TNS3: variants seen among roughly 807,000 people sequenced by gnomAD.
The protein encoded by TNS3 is tensin-3.
In TNS3, 45 loss-of-function variants were observed where a neutral mutation model predicts 140.9. The observed-to-expected ratio is 0.32, with a 90% confidence interval of 0.25 to 0.41. The LOEUF (loss-of-function observed/expected upper bound fraction) is 0.41. Among genes scored for constraint, TNS3 ranks in the 10% least tolerant of loss-of-function variants. The pLI, the probability that TNS3 is intolerant of heterozygous loss-of-function variation, is 1.00. For missense variants in TNS3, 1,716 were observed against 1,906.7 expected (o/e 0.90, Z 1.86); for synonymous variants, 815 against 788.4 (o/e 1.03, Z -0.56).
intron 13 of TNS3, among the ~76,000 whole-genome samples, chr7:47,411,420 C>T (rs917360568): frequency 6.6e-6 from 1 of 152,118 alleles, no homozygotes; most frequent in Admixed American, 6.5e-5. Flanking sequence ...ACCTAGATCG[C>T]TCGCATACAC....
At chr7:47,571,390 C>T (rs1380897096) in intron 1 of TNS3, among the ~76,000 whole-genome samples, 1 of 152,244 alleles carries the variant, frequency 6.6e-6, no homozygotes, top group African/African-American at 2.4e-5. Flanking sequence ...GCTCCCTTTC[C>T]GCTTCACCCC....
intron 1 of TNS3, chr7:47,539,296 G>C (rs1799714550): frequency 2.8e-6 from 1 of 353,756 alleles, no homozygotes; most frequent in South Asian, 2.1e-5. Context: ...CCCTGAATCT[G>C]CTCTTACTTA....
At chr7:47,366,200 A>G (rs1424516129) in intron 17 of TNS3, among the ~76,000 whole-genome samples, 1 of 152,182 alleles carries the variant, frequency 6.6e-6, no homozygotes, top group South Asian at 2.1e-4. Context: ...TTTCCCAAAT[A>G]TATTTGTTTA....
intron 2 of TNS3, among the ~76,000 whole-genome samples, chr7:47,514,279 T>C (rs144404960): frequency 0.01 from 1,533 of 152,320 alleles, 11 homozygotes; most frequent in Non-Finnish European, 0.013. Flanking sequence ...CCTTGTTAGT[T>C]TTAAATAACT....
chr7:47,452,939 G>A, intron 4 of TNS3: 6 of 985,404 alleles, frequency 6.1e-6, no homozygotes, highest in Non-Finnish European at 7.2e-6. Flanking sequence ...TTACTGTGCT[G>A]GGCCTGGGCA....
rs1229907815 is a variant in TNS3, at chr7:47,369,219, T to C, written c.1427A>G (p.Asp476Gly). The part of the protein sequence containing the change: ...GDAALKDRET[D>G]ILDDEMPHHD... ...GTGGGGCATCTCGTCATCCAGAATG[T>C]CTGTCTCCCGATCCTTCAGAGCAGC... is the stretch of plus-strand genomic sequence containing the variant. The change falls in exon 17 of 31, where the codon GAC (aspartate) becomes GGC (glycine). Residue 476 changes from aspartate to glycine, a missense_variant. Physicochemically the swap from Asp to Gly is moderately conservative, Grantham distance 94. This residue lies in a region of TNS3 where 1,163 missense variants were observed against 1,182.1 expected (regional missense o/e 0.98). Transcript: ENST00000311160. 6.2e-7 allele frequency: 1 copy of C among 1,614,190 alleles called. No individual in the cohort carries two copies.
intron 24 of TNS3, 50 bp from the exon 25 acceptor site, chr7:47,293,878 G>A (rs1334455334): frequency 6.5e-7 from 1 of 1,545,170 alleles, no homozygotes; most frequent in Non-Finnish European, 8.9e-7. Context: ...ATGGGAGCAT[G>A]GGAGAATTCA....
chr7:47,549,632 C>A (rs78075617), intron 1 of TNS3, among the ~76,000 whole-genome samples: 26,062 of 152,002 alleles, frequency 0.17, 2,631 homozygotes, highest in East Asian at 0.34. Flanking sequence ...GGGCTCACTT[C>A]CCCCAGATCC....
chr7:47,308,190 C>T (rs1726052139), intron 20 of TNS3, among the ~76,000 whole-genome samples: 1 of 152,136 alleles, frequency 6.6e-6, no homozygotes, highest in Non-Finnish European at 1.5e-5. Context: ...GGTACCACTA[C>T]CATTTGTTGA....
intron 20 of TNS3, among the ~76,000 whole-genome samples, chr7:47,329,931 T>C (rs1788241785): frequency 1.3e-5 from 2 of 152,184 alleles, no homozygotes; most frequent in Non-Finnish European, 2.9e-5. Context: ...GTCACAGCCA[T>C]GACTGGGACA....
At chr7:47,314,479 C>G (rs922857003) in intron 20 of TNS3, among the ~76,000 whole-genome samples, 1 of 152,192 alleles carries the variant, frequency 6.6e-6, no homozygotes, top group Non-Finnish European at 1.5e-5. Flanking sequence ...CACCAAAAAT[C>G]GTATAGTCAA....
At chr7:47,376,304 A>G (rs931521663) in intron 16 of TNS3, among the ~76,000 whole-genome samples, 2 of 152,350 alleles carry the variant, frequency 1.3e-5, no homozygotes, top group Admixed American at 6.5e-5. Flanking sequence ...TGTGAGAAGA[A>G]AGGCATCCAC....
rs534657139 is a variant in TNS3, at chr7:47,303,099, C to G, written c.3308G>C (p.Arg1103Pro). Residue 1103 changes from arginine (R) to proline (P), a missense_variant, in exon 22 of 31, where the codon CGG becomes CCG. By Grantham distance (103) the Arg-to-Pro change is moderately radical (BLOSUM62 -2). Around this residue, in one of 3 missense-constraint regions of TNS3, gnomAD observed 1,163 missense variants for 1,182.1 expected, o/e 0.98. Transcript: ENST00000311160. The part of the protein sequence containing the change: ...PGQPPLPEKK[R>P]ASEGDRSLGS... ...CAAAGAACGATCCCCCTCCGAGGCCCGCTTCTTCTCAGGGAGGGGTGGCTG... is the reference window on the plus strand; with the variant it reads ...CAAAGAACGATCCCCCTCCGAGGCCGGCTTCTTCTCAGGGAGGGGTGGCTG... 5.6e-6 allele frequency: 9 copies of G among 1,614,100 alleles called. No homozygotes were observed. The highest frequency in any genetic ancestry group is 5.5e-5 in the South Asian group (5 of 91,084).
intron 17 of TNS3, among the ~76,000 whole-genome samples, chr7:47,348,593 G>C (rs115263627): frequency 6.6e-6 from 1 of 152,214 alleles, no homozygotes; most frequent in Non-Finnish European, 1.5e-5. Flanking sequence ...TCACCGATTT[G>C]AGCATTGTAC....
chr7:47,340,667 C>T (rs1347433845), intron 20 of TNS3, among the ~76,000 whole-genome samples: 5 of 148,562 alleles, frequency 3.4e-5, no homozygotes, highest in Admixed American at 6.9e-5. Context: ...CTGCAAGCTC[C>T]GCCTCTTCCC....
intron 17 of TNS3, among the ~76,000 whole-genome samples, chr7:47,362,409 A>G (rs952295786): frequency 6.6e-6 from 1 of 152,196 alleles, no homozygotes; most frequent in Non-Finnish European, 1.5e-5. Flanking sequence ...CTCAGTGCCC[A>G]TTCAGCAGAG....
intron 1 of TNS3, among the ~76,000 whole-genome samples, chr7:47,574,129 T>C (rs1179901001): frequency 6.6e-6 from 1 of 152,210 alleles, no homozygotes; most frequent in East Asian, 1.9e-4. Context: ...TCATAGATCA[T>C]AGGCTCTGGC....
intron 1 of TNS3, among the ~76,000 whole-genome samples, chr7:47,540,506 T>A (rs1762498970): frequency 6.6e-6 from 1 of 152,202 alleles, no homozygotes; most frequent in African/African-American, 2.4e-5. Context: ...AGGCTGCTCC[T>A]ATGAGTCCAT....
At chr7:47,358,160 C>A (rs995292998) in intron 17 of TNS3, among the ~76,000 whole-genome samples, 1 of 151,132 alleles carries the variant, frequency 6.6e-6, no homozygotes, top group Non-Finnish European at 1.5e-5. Flanking sequence ...TTTTTTTTGA[C>A]GGAGTCTCAC....
Sources: allele counts gnomAD v4.1 joint callset (sites outside exome capture counted in the v4.1 genomes callset), GRCh38; gene constraint gnomAD v4.1.1; regional missense constraint gnomAD v4.1.1; transcripts MANE v1.5; gene names NCBI Gene and HGNC (gene_info 2026-07-23, HGNC 2026-07-21).